Variants in VAV2 observed in about 807,000 individuals in gnomAD.
VAV2 encodes guanine nucleotide exchange factor VAV2.
A neutral mutation model predicts 132.5 loss-of-function variants in VAV2; 67 were observed. The observed-to-expected ratio is 0.51, with a 90% CI of 0.42 to 0.62. The LOEUF is 0.62. Among genes scored for constraint, VAV2 ranks in the 20% least tolerant of loss-of-function variants. The pLI is 0.00. For synonymous variants in VAV2, 492 were observed against 443.5 expected (o/e 1.11, Z -1.37); for missense variants, 938 against 1,153.6 (o/e 0.81, Z 2.71).
Position 133,854,208 on chromosome 9 carries a change from T to C in VAV2, c.380+7166A>G, listed in dbSNP as rs534676615. Among the ~76,000 whole-genome samples the C allele has an allele frequency of 7.7e-5, 11 of 142,786 alleles. No homozygotes were observed. In the East Asian group the frequency reaches 1.4e-3, roughly 18 times the overall value. 93.7% of individuals were successfully genotyped at this position (142,786 alleles called of 152,430 possible). A position where few individuals can be genotyped will look rare whatever the true frequency, so the allele number is the denominator to read the frequency against. On this transcript the variant is annotated intron_variant, in intron 3 of 29. Transcript: ENST00000371850. ...TACCTGCACACACACAAATCTGCAA[T>C]GCACACACACACCCATGTGCACCTG...
intron 1 of VAV2, among the ~76,000 whole-genome samples, chr9:133,956,916 G>T (rs1841800451): frequency 6.6e-6 from 1 of 152,248 alleles, no homozygotes; most frequent in African/African-American, 2.4e-5. Flanking sequence ...AGCTGGGCCA[G>T]AGCTGGTACT....
intron 2 of VAV2, among the ~76,000 whole-genome samples, chr9:133,867,301 G>A (rs576651433): frequency 1.1e-4 from 16 of 152,328 alleles, no homozygotes; most frequent in African/African-American, 2.6e-4. Context: ...TGGTGCGTGC[G>A]CAACTCTAGC....
chr9:133,923,721 G>A (rs1840375072), intron 2 of VAV2, among the ~76,000 whole-genome samples: 1 of 152,168 alleles, frequency 6.6e-6, no homozygotes, highest in South Asian at 2.1e-4. Flanking sequence ...ATTCACAATA[G>A]CAAGGACTTG....
At chr9:133,936,434 G>T (rs985423685) in intron 2 of VAV2, among the ~76,000 whole-genome samples, 1 of 151,786 alleles carries the variant, frequency 6.6e-6, no homozygotes, top group Non-Finnish European at 1.5e-5. Context: ...TTAGAGACAG[G>T]GTTTCACCGT....
chr9:133,978,623 C>T (rs544031125), intron 1 of VAV2, among the ~76,000 whole-genome samples: 49 of 152,388 alleles, frequency 3.2e-4, no homozygotes, highest in Admixed American at 1.3e-4. Flanking sequence ...TTCATCCTTA[C>T]ACAAACTCTG....
chr9:133,971,620 C>A (rs1842337078), intron 1 of VAV2, among the ~76,000 whole-genome samples: 1 of 152,208 alleles, frequency 6.6e-6, no homozygotes, highest in African/African-American at 2.4e-5. Flanking sequence ...CAAAGGACAA[C>A]CATGGCCAGC....
intron 2 of VAV2, among the ~76,000 whole-genome samples, chr9:133,881,988 A>G (rs1380667282): frequency 1.3e-5 from 2 of 152,186 alleles, no homozygotes; most frequent in African/African-American, 2.4e-5. Flanking sequence ...GCTACAAAGG[A>G]GGGCGTCAAG....
chr9:133,859,643 AC>A (rs920010076), intron 3 of VAV2, among the ~76,000 whole-genome samples: 4 of 151,736 alleles, frequency 2.6e-5, no homozygotes, highest in Non-Finnish European at 5.9e-5. Context: ...ACAAAACAAA[AC>A]AAAAAAAAAA....
chr9:133,957,904 C>G, intron 1 of VAV2, among the ~76,000 whole-genome samples: 1 of 149,226 alleles, frequency 6.7e-6, no homozygotes, highest in African/African-American at 2.4e-5. Context: ...TGACCTTACC[C>G]CCAACCCCGT....
rs1271689893 is a variant in VAV2 at position 133,824,246 on chromosome 9, C to A, written c.449+10026G>T. ...GAGCTCCCGCCCAGCAGTCCCACAGCCACCTCCCGACGGGGACTGGGCTTG... is the reference window on the plus strand; with the variant it reads ...GAGCTCCCGCCCAGCAGTCCCACAGACACCTCCCGACGGGGACTGGGCTTG... On this transcript the variant is annotated intron_variant, in intron 4 of 29. Transcript: ENST00000371850. The surrounding 1 kb of genome is among the most constrained non-coding windows in gnomAD (Gnocchi z 5.2). Among the ~76,000 whole-genome samples, 1 of 152,172 alleles carries A rather than the reference C, an allele frequency of 6.6e-6. No individual in the cohort carries two copies. The highest frequency in any genetic ancestry group is 1.5e-5 in the Non-Finnish European group (1 of 68,024).
intron 1 of VAV2, among the ~76,000 whole-genome samples, chr9:133,948,368 G>A (rs1408793602): frequency 1.3e-5 from 2 of 152,180 alleles, no homozygotes; most frequent in Non-Finnish European, 2.9e-5. Flanking sequence ...GTCCCCCTTC[G>A]CCCAGCTGGG....
At chr9:133,814,972 T>C (rs1835501664) in intron 4 of VAV2, among the ~76,000 whole-genome samples, 1 of 152,138 alleles carries the variant, frequency 6.6e-6, no homozygotes, top group Admixed American at 6.5e-5. Flanking sequence ...CGTGCCCGGC[T>C]CTGACAAGGC....
chr9:133,890,372 G>A (rs1040681983), intron 2 of VAV2, among the ~76,000 whole-genome samples: 3 of 152,238 alleles, frequency 2.0e-5, no homozygotes, highest in Admixed American at 6.5e-5. Flanking sequence ...GTGAGTCCAG[G>A]AGTGAGCACG....
chr9:133,907,792 T>C (rs1839716795), intron 2 of VAV2, among the ~76,000 whole-genome samples: 3 of 152,224 alleles, frequency 2.0e-5, no homozygotes. Flanking sequence ...ATGCCAGTCA[T>C]TGGCAGTCCA....
At position 133,785,898 on chromosome 9, in the gene VAV2, G is replaced by C. The variant is rs777292620; in HGVS notation, c.1423-13C>G. 6.2e-7 allele frequency: 1 copy of C among 1,609,652 alleles called. No individual in the cohort carries two copies. The highest frequency in any genetic ancestry group is 1.1e-5 in the South Asian group (1 of 90,716). ...AGCCGTAGGACCACTGCAGGGGGGA[G>C]AGGGGCCATGCTTGCAATAGACACG... On this transcript the variant is annotated splice_polypyrimidine_tract_variant and intron_variant, in intron 16 of 29. Transcript: ENST00000371850.
intron 2 of VAV2, among the ~76,000 whole-genome samples, chr9:133,914,840 C>T (rs1840019840): frequency 1.5e-4 from 1 of 6,658 alleles, no homozygotes; most frequent in Non-Finnish European, 3.2e-4. Context: ...GGTTGGCATT[C>T]ACTTCTCTAT....
At chr9:133,803,901 A>G in intron 9 of VAV2, among the ~76,000 whole-genome samples, 1 of 151,870 alleles carries the variant, frequency 6.6e-6, no homozygotes, top group Non-Finnish European at 1.5e-5. Flanking sequence ...ACCTTCCCCT[A>G]AGCTTCTGCT....
intron 1 of VAV2, among the ~76,000 whole-genome samples, chr9:133,943,989 G>GC (rs1841269614): frequency 6.6e-6 from 1 of 152,214 alleles, no homozygotes; most frequent in Non-Finnish European, 1.5e-5. Context: ...ACAGACAGGA[G>GC]AGGCGGCGCA....
In VAV2 at chr9:133,917,554, A is replaced by T. The variant is rs148009834; in HGVS notation, c.321+21549T>A. On this transcript the variant is annotated intron_variant, in intron 2 of 29. Coordinates refer to ENST00000371850, the MANE Select transcript of VAV2 (RefSeq NM_001134398.2). Reference sequence around the variant, plus strand: ...ATGCCACTGAAAATGTCAACACAGCACAGAGGGGCCCTGCCCATCCCACAG... The same window carrying T: ...ATGCCACTGAAAATGTCAACACAGCTCAGAGGGGCCCTGCCCATCCCACAG... Among the ~76,000 whole-genome samples the T allele has an allele frequency of 3.0e-4, 45 of 151,438 alleles. No individual in the cohort carries two copies. In the East Asian group the frequency reaches 5.6e-3, roughly 19 times the overall value.
Sources: allele counts gnomAD v4.1 joint callset (sites outside exome capture counted in the v4.1 genomes callset), GRCh38; gene constraint gnomAD v4.1.1; non-coding constraint Gnocchi (gnomAD v3.1); transcripts MANE v1.5; gene names NCBI Gene and HGNC (gene_info 2026-07-23, HGNC 2026-07-21).